The following CCS variants were observed in gnomAD, a reference collection of about 807,000 sequenced individuals.
CCS encodes copper chaperone for superoxide dismutase.
CCS carries 32 observed loss-of-function variants against 35.5 expected under a neutral mutation model. That is an observed-to-expected ratio of 0.90 (90% confidence interval 0.68 to 1.21). CCS has a LOEUF of 1.21. Among genes scored for constraint, CCS ranks in the 50% most tolerant of loss-of-function variants. The pLI, the probability that CCS is intolerant of heterozygous loss-of-function variation, is 0.00. For synonymous variants in CCS, 130 were observed against 147.2 expected (o/e 0.88, Z 0.84); for missense variants, 342 against 375.4 (o/e 0.91, Z 0.73).
In CCS at chr11:66,599,620, AC is replaced by A; in HGVS notation, c.413del (p.Thr138LysfsTer51). 6.2e-7 allele frequency: 1 copy of A among 1,610,878 alleles called. No individual in the cohort carries two copies. Among genetic ancestry groups the A allele is most frequent in the South Asian group, 1.1e-5 (1 of 90,600 alleles). ...CCACGTCCATCAGTACGGGGACCTTACAAACAACTGCAACAGGTGAGTTGTC... is the reference window on the plus strand; with the variant it reads ...CCACGTCCATCAGTACGGGGACCTTAAAACAACTGCAACAGGTGAGTTGTC... ...GLHVHQYGDL[T>X]NNCNSCGNHF... On this transcript the variant is annotated frameshift_variant, in exon 4 of 8. Transcript: ENST00000533244. LOFTEE classifies it high-confidence loss of function.
chr11:66,598,712 A>G (rs1262943630), intron 2 of CCS, among the ~76,000 whole-genome samples: 3 of 151,898 alleles, frequency 2.0e-5, no homozygotes, highest in African/African-American at 4.8e-5. Flanking sequence ...ATTTCATTGT[A>G]TGGATACCAC....
At chr11:66,593,747 C>T in intron 2 of CCS, 33 bp downstream of exon 2, 1 of 1,598,292 alleles carries the variant, frequency 6.3e-7, no homozygotes, top group Non-Finnish European at 8.6e-7. Flanking sequence ...TGCAGACAGT[C>T]CAGAAGCCTC....
intron 2 of CCS, among the ~76,000 whole-genome samples, chr11:66,596,541 G>A (rs967247400): frequency 2.0e-5 from 3 of 152,038 alleles, no homozygotes; most frequent in African/African-American, 4.8e-5. Context: ...CACCATGCCC[G>A]GCTAACTTTT....
At chr11:66,600,600 C>G (rs1858558857) in intron 5 of CCS, 51 bp downstream of exon 5, 1 of 994,886 alleles carries the variant, frequency 1.0e-6, no homozygotes. Context: ...CCCAAAGTCT[C>G]AGAGGCAGGG....
At chr11:66,604,352 A>C (rs1858620258) in intron 5 of CCS, among the ~76,000 whole-genome samples, 1 of 152,218 alleles carries the variant, frequency 6.6e-6, no homozygotes, top group Non-Finnish European at 1.5e-5. Flanking sequence ...AGGTGCAGGC[A>C]GCAGATATCC....
chr11:66,604,256 A>C (rs978344568), intron 5 of CCS, among the ~76,000 whole-genome samples: 1 of 152,014 alleles, frequency 6.6e-6, no homozygotes, highest in African/African-American at 2.4e-5. Flanking sequence ...AGCAAAAAAA[A>C]CCGCTCTTCA....
At chr11:66,599,791 G>A (rs951326429) in intron 4 of CCS, 155 bp downstream of exon 4, 4 of 712,698 alleles carry the variant, frequency 5.6e-6, no homozygotes, top group Middle Eastern at 3.7e-4. Context: ...AAGGTCCACA[G>A]CAGGTAAAAG....
In CCS at chr11:66,593,459, G is replaced by A. The variant is rs369309191; in HGVS notation, c.39+159G>A. On this transcript the variant is annotated intron_variant, in intron 1 of 7. Transcript: ENST00000533244. The stretch of plus-strand genomic sequence containing the variant: ...CGAGGGTAGCAGGGGCCCTGCGTGA[G>A]TGTTGGGGGGTGACTCCCATGGTCC... Among the ~76,000 whole-genome samples, 18 of 152,356 alleles carry A rather than the reference G, an allele frequency of 1.2e-4. No homozygotes were observed. The East Asian group carries it at 3.1e-3, about 26-fold the overall frequency.
At chr11:66,597,534 C>G (rs536418435) in intron 2 of CCS, among the ~76,000 whole-genome samples, 1 of 147,644 alleles carries the variant, frequency 6.8e-6, no homozygotes, top group Non-Finnish European at 1.5e-5. Flanking sequence ...GGGCAGATCA[C>G]GAGGTCAGGA....
At chr11:66,594,016 A>T (rs940376895) in intron 2 of CCS, among the ~76,000 whole-genome samples, 1 of 152,132 alleles carries the variant, frequency 6.6e-6, no homozygotes, top group Non-Finnish European at 1.5e-5. Context: ...GGGAAACAAC[A>T]TAATCTTGAC....
intron 3 of CCS, 95 bp from the exon 4 acceptor site, chr11:66,599,364 G>T: frequency 6.7e-7 from 1 of 1,496,910 alleles, no homozygotes. Flanking sequence ...TGAGGAAGGT[G>T]TGAAAATTAT....
intron 5 of CCS, among the ~76,000 whole-genome samples, chr11:66,602,346 G>A (rs546629427): frequency 3.9e-5 from 6 of 152,276 alleles, no homozygotes; most frequent in Non-Finnish European, 8.8e-5. Flanking sequence ...GCAGGCCCCA[G>A]GTCCTCCTTG....
At chr11:66,605,260 C>T (rs759407354) in intron 5 of CCS, 79 bp from the exon 6 acceptor site, 64 of 1,590,848 alleles carry the variant, frequency 4.0e-5, no homozygotes, top group Admixed American at 3.5e-4. Context: ...GAAGAGGCGT[C>T]GGAATCAGGA....
rs77660366 is a variant in CCS at position 66,600,287 on chromosome 11, G to A, written c.429-202G>A. On this transcript the variant is annotated intron_variant, in intron 4 of 7. Transcript: ENST00000533244. ...TAACTAGTTGTTTACTCATCTGTGA[G>A]TCCCCTGAGCCAGAAGCTTATTCAG... 941 of 398,198 alleles carry A rather than the reference G, an allele frequency of 2.4e-3. 8 individuals are homozygous for A. Among genetic ancestry groups the A allele is most frequent in the African/African-American group, 0.018 (865 of 48,554 alleles). The allele number at this position is 398,198 out of a possible 1,614,324, so 24.7% of individuals were successfully genotyped here. A position where few individuals can be genotyped will look rare whatever the true frequency, so the allele number is the denominator to read the frequency against.
chr11:66,599,457 A>C lies in CCS; in HGVS notation c.251-2A>C. The C allele has an allele frequency of 4.6e-6, 7 of 1,528,104 alleles. No homozygotes were observed. The highest frequency in any genetic ancestry group is 6.1e-6 in the Non-Finnish European group (7 of 1,141,932). The allele number at this position is 1,528,104 out of a possible 1,614,324, so 94.7% of individuals were successfully genotyped here. A position where few individuals can be genotyped will look rare whatever the true frequency, so the allele number is the denominator to read the frequency against. On this transcript the variant is annotated splice_acceptor_variant, in intron 3 of 7. Coordinates refer to ENST00000533244, the MANE Select transcript of CCS (RefSeq NM_005125.2). LOFTEE classifies it high-confidence loss of function. Reference sequence around the variant, plus strand: ...CCAGCCCAAGTGTCTAATACCTTGCAGAGAATCTGGGGGCAGCAGTGGCCA... The same window carrying C: ...CCAGCCCAAGTGTCTAATACCTTGCCGAGAATCTGGGGGCAGCAGTGGCCA...
intron 2 of CCS, among the ~76,000 whole-genome samples, chr11:66,595,105 C>G (rs1858454356): frequency 6.6e-6 from 1 of 152,118 alleles, no homozygotes; most frequent in Admixed American, 6.6e-5. Context: ...CTTTTTGTGT[C>G]TCTGTTTCTT....
rs1256162047 is a variant in CCS, at chr11:66,599,633, A to G, written c.425A>G (p.Asn142Ser). ...HQYGDLTNNC[N>S]SCGNHFNPDG... ...TACGGGGACCTTACAAACAACTGCA[A>G]CAGGTGAGTTGTCTGAAGTCTCCCC... The change falls in exon 4 of 8, where the codon AAC becomes AGC. Residue 142 changes from asparagine (N) to serine (S), a missense_variant. Asn to Ser is a conservative substitution (Grantham distance 46). Coordinates refer to ENST00000533244, the MANE Select transcript of CCS (RefSeq NM_005125.2). 6.2e-7 allele frequency: 1 copy of G among 1,611,730 alleles called. No homozygotes were observed. The highest frequency in any genetic ancestry group is 1.7e-5 in the Admixed American group (1 of 59,508).
At chr11:66,605,621 T>C in intron 7 of CCS, 29 bp downstream of exon 7, 1 of 1,605,352 alleles carries the variant, frequency 6.2e-7, no homozygotes, top group South Asian at 1.1e-5. Context: ...TGTAGGAGGC[T>C]GTGCTCTGCG....
At chr11:66,599,883 A>C in intron 4 of CCS, 1 of 405,188 alleles carries the variant, frequency 2.5e-6, no homozygotes, top group Non-Finnish European at 4.4e-6. Flanking sequence ...TGGGAGGCTG[A>C]GGTGGGCGGA....
Sources: gnomAD v4.1 joint callset for allele counts (sites outside exome capture counted in the v4.1 genomes callset) on GRCh38, gnomAD v4.1.1 for gene constraint, MANE v1.5 for transcripts, NCBI Gene and HGNC (gene_info 2026-07-23, HGNC 2026-07-21) for gene names.